Variants in SORCS3 observed in about 807,000 individuals in gnomAD.
SORCS3 encodes the protein sortilin related VPS10 domain containing receptor 3.
In SORCS3, 57 loss-of-function variants were observed where a neutral mutation model predicts 146.3. The observed-to-expected ratio is 0.39, with a 90% CI of 0.31 to 0.49. The LOEUF (loss-of-function observed/expected upper bound fraction) is 0.49, where lower values mean the gene tolerates loss of function less well. Among genes scored for constraint, SORCS3 ranks in the 20% least tolerant of loss-of-function variants. SORCS3 has a pLI of 0.92. For synonymous variants in SORCS3, 653 were observed against 618.5 expected (o/e 1.06, Z -0.83); for missense variants, 1,341 against 1,575.5 (o/e 0.85, Z 2.52).
chr10:105,146,268 T>A (rs2119463829), intron 8 of SORCS3, among the ~76,000 whole-genome samples: 1 of 152,252 alleles, frequency 6.6e-6, no homozygotes, highest in Non-Finnish European at 1.5e-5. Flanking sequence ...AGTGCCTACC[T>A]ACACAGGCAA....
chr10:105,264,425 T>A lies in SORCS3; in HGVS notation c.*1051T>A, dbSNP rs2056979778. 1 of 152,202 alleles carries A rather than the reference T, an allele frequency of 6.6e-6. No individual in the cohort carries two copies. Among genetic ancestry groups the A allele is most frequent in the African/African-American group, 2.4e-5 (1 of 41,442 alleles). 9.4% of individuals were successfully genotyped at this position (152,202 alleles called of 1,614,324 possible). A position where few individuals can be genotyped will look rare whatever the true frequency, so the allele number is the denominator to read the frequency against. On this transcript the variant is annotated 3_prime_UTR_variant, in exon 27 of 27. Coordinates refer to ENST00000369701, the MANE Select transcript of SORCS3 (RefSeq NM_014978.3). The stretch of plus-strand genomic sequence containing the variant: ...AATTGGATTCTATGAAAATGCATAA[T>A]GCTTATGGTGAATTCTCAGGCTATT...
rs79474699 is a variant in SORCS3, at chr10:105,005,536, G to A, written c.954+28043G>A. On this transcript the variant is annotated intron_variant, in intron 4 of 26. Transcript: ENST00000369701. ...CTAGCCAGTGAAGTGTTCAGTAGTG[G>A]GGGGAGGAGGAATAATAGCAGGGGT... is the stretch of plus-strand genomic sequence containing the variant. Among the ~76,000 whole-genome samples the A allele has an allele frequency of 2.0e-4, 31 of 151,654 alleles. No homozygotes were observed. The East Asian group carries it at 5.4e-3, about 27-fold the overall frequency.
chr10:105,235,435 A>ATT (rs1217257995), intron 20 of SORCS3, among the ~76,000 whole-genome samples: 20 of 129,360 alleles, frequency 1.5e-4, no homozygotes, highest in Non-Finnish European at 2.7e-4. Flanking sequence ...GAACTCTCAG[A>ATT]CTGTGTGTGT....
chr10:104,882,077 A>T lies in SORCS3; in HGVS notation c.696-33756A>T, dbSNP rs80104480. Among the ~76,000 whole-genome samples, 1,122 of 152,276 alleles carry T rather than the reference A, an allele frequency of 7.4e-3. 12 individuals carry two copies. Among genetic ancestry groups the T allele is most frequent in the African/African-American group, 0.026 (1,063 of 41,570 alleles). On this transcript the variant is annotated intron_variant, in intron 2 of 26. Coordinates refer to ENST00000369701, the MANE Select transcript of SORCS3 (RefSeq NM_014978.3). ...AATTTAGGAGGCAGAGTCTCCTTTA[A>T]AGGGTTTTGACCCTTTGACTGATCT...
chr10:105,060,123 G>A (rs891603155), intron 5 of SORCS3, among the ~76,000 whole-genome samples: 1 of 152,150 alleles, frequency 6.6e-6, no homozygotes, highest in Non-Finnish European at 1.5e-5. Context: ...TCAGTAATGT[G>A]TTCATGGAGG....
intron 2 of SORCS3, among the ~76,000 whole-genome samples, chr10:104,848,134 C>G (rs1022341150): frequency 6.6e-6 from 1 of 152,096 alleles, no homozygotes; most frequent in Non-Finnish European, 1.5e-5. Context: ...GGAGACCTGA[C>G]GAAAGTTTTC....
chr10:105,090,839 A>G (rs1471653928), intron 6 of SORCS3, among the ~76,000 whole-genome samples: 1 of 152,152 alleles, frequency 6.6e-6, no homozygotes, highest in Non-Finnish European at 1.5e-5. Context: ...TGTTGTATAA[A>G]TGGAAGGCGA....
chr10:104,727,234 T>C (rs1307430459), intron 1 of SORCS3, among the ~76,000 whole-genome samples: 1 of 152,248 alleles, frequency 6.6e-6, no homozygotes, highest in Non-Finnish European at 1.5e-5. Context: ...GTAGTTGTAA[T>C]GAGAGAATGT....
chr10:104,940,238 A>ATATATTT (rs1435205868), intron 3 of SORCS3, among the ~76,000 whole-genome samples: 4 of 31,518 alleles, frequency 1.3e-4, no homozygotes, highest in Non-Finnish European at 2.4e-4. Flanking sequence ...ATATATATAT[A>ATATATTT]TTTTTTTTTT....
At chr10:105,107,346 G>T (rs2055829535) in intron 7 of SORCS3, among the ~76,000 whole-genome samples, 1 of 150,178 alleles carries the variant, frequency 6.7e-6, no homozygotes, top group Admixed American at 6.6e-5. Context: ...GGAAGCACAG[G>T]AGTGAGTTAT....
At chr10:105,097,807 C>T (rs1206543528) in intron 6 of SORCS3, among the ~76,000 whole-genome samples, 1 of 152,192 alleles carries the variant, frequency 6.6e-6, no homozygotes, top group African/African-American at 2.4e-5. Flanking sequence ...GTGAGCTCCT[C>T]TGCATGAAAT....
At chr10:105,158,608 G>A (rs1425511442) in intron 10 of SORCS3, among the ~76,000 whole-genome samples, 2 of 152,014 alleles carry the variant, frequency 1.3e-5, no homozygotes, top group African/African-American at 4.8e-5. Context: ...AGCCAGCCAT[G>A]AACTGGAACT....
intron 5 of SORCS3, among the ~76,000 whole-genome samples, chr10:105,057,008 G>A (rs2055450121): frequency 6.6e-6 from 1 of 152,132 alleles, no homozygotes; most frequent in East Asian, 1.9e-4. Flanking sequence ...CATTTTGGTA[G>A]TGGCAGAATA....
At chr10:104,757,644 A>T in intron 1 of SORCS3, among the ~76,000 whole-genome samples, 1 of 151,898 alleles carries the variant, frequency 6.6e-6, no homozygotes, top group East Asian at 1.9e-4. Context: ...TCTTAGCTGG[A>T]TATTGCCTTT....
chr10:104,707,452 C>T (rs948346231), intron 1 of SORCS3, among the ~76,000 whole-genome samples: 1 of 151,910 alleles, frequency 6.6e-6, no homozygotes, highest in African/African-American at 2.4e-5. Flanking sequence ...ATCTAAAGAC[C>T]CTCACTGAAC....
At chr10:105,049,429 T>A (rs1008835661) in intron 5 of SORCS3, among the ~76,000 whole-genome samples, 2 of 152,052 alleles carry the variant, frequency 1.3e-5, no homozygotes, top group South Asian at 4.1e-4. Flanking sequence ...GCTTTTCTTA[T>A]GTAAAACAAT....
intron 1 of SORCS3, among the ~76,000 whole-genome samples, chr10:104,785,104 C>T (rs1025691577): frequency 2.6e-5 from 4 of 151,978 alleles, no homozygotes; most frequent in Non-Finnish European, 2.9e-5. Context: ...CCCTCCTGGA[C>T]GGGGCGGCTG....
intron 1 of SORCS3, among the ~76,000 whole-genome samples, chr10:104,696,004 T>TATATATAATATATATCATATACACTTATA (rs1564660780): frequency 1.0e-4 from 11 of 110,132 alleles, no homozygotes; most frequent in African/African-American, 4.0e-4. Flanking sequence ...ACACATATAA[T>TATATATAATATATATCATATACACTTATA]ATATATAATA....
At chr10:104,870,334 T>G (rs747587274) in intron 2 of SORCS3, among the ~76,000 whole-genome samples, 1 of 152,218 alleles carries the variant, frequency 6.6e-6, no homozygotes. Context: ...AGAGAGTCAT[T>G]CATTCATTCA....
Sources: allele counts gnomAD v4.1 joint callset (sites outside exome capture counted in the v4.1 genomes callset), GRCh38; gene constraint gnomAD v4.1.1; transcripts MANE v1.5; gene names NCBI Gene and HGNC (gene_info 2026-07-23, HGNC 2026-07-21).